Variants in CCSER1 observed in about 807,000 individuals in gnomAD.
The protein encoded by CCSER1 is serine-rich coiled-coil domain-containing protein 1.
In CCSER1, 41 loss-of-function variants were observed where a neutral mutation model predicts 82.0. The ratio of observed to expected loss-of-function variants is 0.50; its 90% CI spans 0.39 to 0.65. The LOEUF is 0.65. Ranked by LOEUF, CCSER1 falls within the 30% of genes least tolerant of loss-of-function variation. The pLI is 0.00. For synonymous variants in CCSER1, 414 were observed against 383.9 expected (o/e 1.08, Z -0.92); for missense variants, 1,119 against 1,064.2 (o/e 1.05, Z -0.72).
intron 7 of CCSER1, among the ~76,000 whole-genome samples, chr4:90,806,852 T>C (rs1371051777): frequency 2.0e-5 from 3 of 148,340 alleles, no homozygotes; most frequent in Non-Finnish European, 4.5e-5. Context: ...CCCTACTCAA[T>C]CCTGAATCCT....
intron 10 of CCSER1, among the ~76,000 whole-genome samples, chr4:91,416,055 T>C (rs557098739): frequency 2.0e-5 from 3 of 152,220 alleles, no homozygotes; most frequent in East Asian, 1.9e-4. Flanking sequence ...AGGCTATTTA[T>C]TACTGCCTCA....
chr4:90,990,451 G>A (rs11728122), intron 9 of CCSER1, among the ~76,000 whole-genome samples: 1 of 151,840 alleles, frequency 6.6e-6, no homozygotes, highest in African/African-American at 2.4e-5. Flanking sequence ...AGTTCTTAAC[G>A]CTGACAGCTC....
chr4:91,517,519 A>T (rs902243470), intron 10 of CCSER1, among the ~76,000 whole-genome samples: 1 of 152,106 alleles, frequency 6.6e-6, no homozygotes, highest in Admixed American at 6.5e-5. Flanking sequence ...CAGCTCCTGT[A>T]TTGTTTTCTT....
At chr4:91,212,343 T>C (rs918379446) in intron 10 of CCSER1, among the ~76,000 whole-genome samples, 2 of 152,082 alleles carry the variant, frequency 1.3e-5, no homozygotes, top group Non-Finnish European at 2.9e-5. Context: ...CCTTGGTGGT[T>C]TGGAATGTGG....
At chr4:91,534,430 A>G (rs1453390458) in intron 10 of CCSER1, among the ~76,000 whole-genome samples, 1 of 152,034 alleles carries the variant, frequency 6.6e-6, no homozygotes, top group East Asian at 1.9e-4. Context: ...AGTTCTATCA[A>G]TGAGAAACCA....
At chr4:90,517,163 T>C (rs1173557039) in intron 5 of CCSER1, among the ~76,000 whole-genome samples, 1 of 152,198 alleles carries the variant, frequency 6.6e-6, no homozygotes, top group Non-Finnish European at 1.5e-5. Context: ...ACGAAGCCTA[T>C]TTTATAATAA....
At position 91,147,628 on chromosome 4, in the gene CCSER1, T is replaced by G. The variant is rs193110427; in HGVS notation, c.2217+61634T>G. Among the ~76,000 whole-genome samples the G allele has an allele frequency of 3.7e-4, 56 of 152,312 alleles. 1 individual carries two copies. In the East Asian group the frequency reaches 7.9e-3, roughly 22 times the overall value. The stretch of plus-strand genomic sequence containing the variant: ...CGGGGTTGGAGCCAGGTCTACAGTT[T>G]TATTTTCTGGCCCCTTAGGGTGGAG... On this transcript the variant is annotated intron_variant, in intron 10 of 10. Transcript: ENST00000509176.
intron 9 of CCSER1, among the ~76,000 whole-genome samples, chr4:90,988,690 G>C (rs1415111104): frequency 6.6e-6 from 1 of 151,676 alleles, no homozygotes; most frequent in Admixed American, 6.6e-5. Context: ...TGACATAATA[G>C]ACTTGATGGC....
intron 10 of CCSER1, among the ~76,000 whole-genome samples, chr4:91,151,558 G>T (rs1223041140): frequency 2.6e-5 from 4 of 152,070 alleles, no homozygotes; most frequent in Non-Finnish European, 5.9e-5. Context: ...TGTTTTAATT[G>T]TGATGTTAGG....
rs1733838829 is a variant in CCSER1 at position 90,182,126 on chromosome 4, TTTAA to T, written c.-42+54299_-42+54302del. 8.5e-5 allele frequency among the ~76,000 whole-genome samples: 13 copies of T among 152,294 alleles called. No homozygotes were observed. In the South Asian group the frequency reaches 2.7e-3, roughly 32 times the overall value. On this transcript the variant is annotated intron_variant, in intron 1 of 10. Coordinates refer to ENST00000509176, the MANE Select transcript of CCSER1 (RefSeq NM_001145065.2). Reference sequence around the variant, plus strand: ...TGTTGGAAAAAACCCTAAAGATAACTTTAATTATGTACTACAAATAAATTGTTTT... The same window carrying T: ...TGTTGGAAAAAACCCTAAAGATAACTTTATGTACTACAAATAAATTGTTTT...
At chr4:90,482,700 C>T (rs28802318) in intron 5 of CCSER1, among the ~76,000 whole-genome samples, 13,932 of 152,154 alleles carry the variant, frequency 0.092, 738 homozygotes, top group African/African-American at 0.11. Flanking sequence ...GTTTCTTAAT[C>T]CTGAGTTCTA....
intron 10 of CCSER1, among the ~76,000 whole-genome samples, chr4:91,389,635 G>A (rs1379245321): frequency 6.6e-6 from 1 of 151,876 alleles, no homozygotes; most frequent in African/African-American, 2.4e-5. Context: ...TGAGATTTCG[G>A]TGGGGATTGT....
intron 1 of CCSER1, among the ~76,000 whole-genome samples, chr4:90,307,613 C>T (rs1211558280): frequency 6.6e-6 from 1 of 150,898 alleles, no homozygotes; most frequent in South Asian, 2.1e-4. Context: ...CTAACTTGCT[C>T]ATTGTCCACA....
chr4:90,829,300 T>G (rs1158250608), intron 8 of CCSER1, among the ~76,000 whole-genome samples: 1 of 152,140 alleles, frequency 6.6e-6, no homozygotes, highest in African/African-American at 2.4e-5. Flanking sequence ...ATTTGAAGCC[T>G]CTCTTAAAAA....
At chr4:90,272,226 A>G in intron 1 of CCSER1, among the ~76,000 whole-genome samples, 1 of 152,138 alleles carries the variant, frequency 6.6e-6, no homozygotes. Context: ...GGAACAATCT[A>G]TTAATCTGAT....
In CCSER1 at chr4:91,600,987, TATTA is replaced by T. The variant is rs144720566; in HGVS notation, c.*1934_*1937del. 6.6e-6 allele frequency: 1 copy of T among 152,232 alleles called. No homozygotes were observed. The highest frequency in any genetic ancestry group is 1.9e-4 in the East Asian group (1 of 5,184). The allele number at this position is 152,232 out of a possible 1,614,324, so 9.4% of individuals were successfully genotyped here. A position where few individuals can be genotyped will look rare whatever the true frequency, so the allele number is the denominator to read the frequency against. ...GATAGGAAAATAGAAAAATCATGAT[TATTA>T]ATTGTGGAATTCAGCTTGATTTGTC... is the stretch of plus-strand genomic sequence containing the variant. On this transcript the variant is annotated 3_prime_UTR_variant, in exon 11 of 11. Coordinates refer to ENST00000509176, the MANE Select transcript of CCSER1 (RefSeq NM_001145065.2).
At chr4:91,189,585 G>C (rs1443310893) in intron 10 of CCSER1, among the ~76,000 whole-genome samples, 1 of 152,060 alleles carries the variant, frequency 6.6e-6, no homozygotes, top group Non-Finnish European at 1.5e-5. Flanking sequence ...TGAATATCCT[G>C]GTGTCCTTGG....
At chr4:91,458,801 A>C (rs924249681) in intron 10 of CCSER1, among the ~76,000 whole-genome samples, 4 of 152,064 alleles carry the variant, frequency 2.6e-5, no homozygotes, top group Admixed American at 6.6e-5. Context: ...CCAGTTGTTC[A>C]CTGTTAACAT....
chr4:90,762,495 C>T (rs1750561059), intron 7 of CCSER1, among the ~76,000 whole-genome samples: 1 of 152,130 alleles, frequency 6.6e-6, no homozygotes, highest in Admixed American at 6.6e-5. Context: ...TATTTTTGCA[C>T]ATCCAGGACT....
Sources: allele counts gnomAD v4.1 joint callset (sites outside exome capture counted in the v4.1 genomes callset), GRCh38; gene constraint gnomAD v4.1.1; transcripts MANE v1.5; gene names NCBI Gene and HGNC (gene_info 2026-07-23, HGNC 2026-07-21).